Variants in FNDC3B observed in about 807,000 individuals in gnomAD.
The protein encoded by FNDC3B is fibronectin type III domain-containing protein 3B.
In FNDC3B, 12 loss-of-function variants were observed where a neutral mutation model predicts 151.5. The observed-to-expected ratio is 0.08, with a 90% confidence interval of 0.05 to 0.13. FNDC3B has a LOEUF of 0.13. Ranked by LOEUF, FNDC3B falls within the 10% of genes least tolerant of loss-of-function variation. FNDC3B has a pLI of 1.00. For synonymous variants in FNDC3B, 528 were observed against 549.0 expected (o/e 0.96, Z 0.54); for missense variants, 1,214 against 1,505.3 (o/e 0.81, Z 3.20).
chr3:172,154,372 T>C (rs1164118591), intron 3 of FNDC3B, among the ~76,000 whole-genome samples: 2 of 152,234 alleles, frequency 1.3e-5, no homozygotes, highest in South Asian at 2.1e-4. Flanking sequence ...CGTGCCACCA[T>C]GCCCAGCTAA....
rs1717823500 is a variant in FNDC3B at position 172,072,399 on chromosome 3, A to G, written c.-29+32628A>G. 1.3e-5 allele frequency among the ~76,000 whole-genome samples: 2 copies of G among 151,742 alleles called. 1 individual carries two copies. The highest frequency in any genetic ancestry group is 4.2e-4 in the South Asian group (2 of 4,792). On this transcript the variant is annotated intron_variant, in intron 1 of 25. Coordinates refer to ENST00000415807, the MANE Select transcript of FNDC3B (RefSeq NM_022763.4). ...TGGCTATCAGTATCTTGACCTCGTT[A>G]GGGTTGTCAGTGAATGGTTGTGTCA... is the stretch of plus-strand genomic sequence containing the variant.
At chr3:172,192,245 T>A (rs1724556280) in intron 3 of FNDC3B, among the ~76,000 whole-genome samples, 1 of 150,478 alleles carries the variant, frequency 6.6e-6, no homozygotes, top group Non-Finnish European at 1.5e-5. Context: ...TGATCTTGGC[T>A]CACTGCAACC....
intron 3 of FNDC3B, 144 bp from the exon 4 acceptor site, chr3:172,226,727 C>CTTTCAGG (rs1726602243): frequency 3.8e-6 from 2 of 527,626 alleles, no homozygotes; most frequent in Admixed American, 5.9e-5. Context: ...TCAGGTTTAG[C>CTTTCAGG]TTTAAGGCAA....
chr3:172,271,432 TA>T (rs903130126), intron 6 of FNDC3B, among the ~76,000 whole-genome samples: 1 of 152,230 alleles, frequency 6.6e-6, no homozygotes, highest in Non-Finnish European at 1.5e-5. Flanking sequence ...AGGACTTTTA[TA>T]AAAAACATCT....
intron 9 of FNDC3B, among the ~76,000 whole-genome samples, chr3:172,306,147 A>G (rs1221566290): frequency 2.0e-5 from 3 of 152,170 alleles, no homozygotes; most frequent in Non-Finnish European, 4.4e-5. Flanking sequence ...GACTTTGCAA[A>G]TCACACACAC....
chr3:172,239,856 C>CTTTTTTTTTTTTTTTTTT lies in FNDC3B; in HGVS notation c.265-7664_265-7647dup, dbSNP rs71179981. On this transcript the variant is annotated intron_variant, in intron 4 of 25. Coordinates refer to ENST00000415807, the MANE Select transcript of FNDC3B (RefSeq NM_022763.4). ...TGTTTTTAGGAGATCCATTTTAGTTCTTTTTTTTTTTTTTTTTTTTTTTTT... is the reference window on the plus strand; with the variant it reads ...TGTTTTTAGGAGATCCATTTTAGTTCTTTTTTTTTTTTTTTTTTTTTTTTTTTTTTTTTTTTTTTTTTT... Among the ~76,000 whole-genome samples, 24 of 49,926 alleles carry CTTTTTTTTTTTTTTTTTT rather than the reference C, an allele frequency of 4.8e-4. 3 individuals are homozygous for CTTTTTTTTTTTTTTTTTT. Among genetic ancestry groups the CTTTTTTTTTTTTTTTTTT allele is most frequent in the Middle Eastern group, 0.024 (1 of 42 alleles). 32.8% of individuals were successfully genotyped at this position (49,926 alleles called of 152,430 possible). A position where few individuals can be genotyped will look rare whatever the true frequency, so the allele number is the denominator to read the frequency against.
intron 6 of FNDC3B, among the ~76,000 whole-genome samples, chr3:172,253,090 G>A (rs1225269879): frequency 1.3e-5 from 2 of 152,150 alleles, no homozygotes; most frequent in Non-Finnish European, 2.9e-5. Context: ...TGTATAAATT[G>A]TCCAGAGAGC....
At chr3:172,321,960 G>A (rs1482117300) in intron 11 of FNDC3B, among the ~76,000 whole-genome samples, 7 of 152,166 alleles carry the variant, frequency 4.6e-5, no homozygotes, top group Admixed American at 2.0e-4. Context: ...TACAGTGTAG[G>A]AGGAATTTAT....
Position 172,394,106 on chromosome 3 carries a change from TAAAAAAAAAAAAA to T in FNDC3B, c.3304-3040_3304-3028del, listed in dbSNP as rs60559371. Among the ~76,000 whole-genome samples the T allele has an allele frequency of 1.4e-3, 24 of 16,650 alleles. 1 individual carries two copies. Among genetic ancestry groups the T allele is most frequent in the South Asian group, 2.8e-3 (1 of 358 alleles). The allele number at this position is 16,650 out of a possible 152,430, so 10.9% of individuals were successfully genotyped here. A position where few individuals can be genotyped will look rare whatever the true frequency, so the allele number is the denominator to read the frequency against. On this transcript the variant is annotated intron_variant, in intron 25 of 25. Coordinates refer to ENST00000415807, the MANE Select transcript of FNDC3B (RefSeq NM_022763.4). Reference sequence around the variant, plus strand: ...CTGGGTGACAGAGTGAGACTCCTTCTAAAAAAAAAAAAAAAAAAAAAAAAAAAAAATGGATACA... The same window carrying T: ...CTGGGTGACAGAGTGAGACTCCTTCTAAAAAAAAAAAAAAAAATGGATACA...
intron 3 of FNDC3B, among the ~76,000 whole-genome samples, chr3:172,207,257 G>C (rs938727783): frequency 8.5e-5 from 13 of 152,278 alleles, no homozygotes; most frequent in African/African-American, 3.1e-4. Context: ...GAAAACTTCT[G>C]TTGGGTATTA....
chr3:172,059,352 A>G (rs1010070831), intron 1 of FNDC3B, among the ~76,000 whole-genome samples: 1 of 152,156 alleles, frequency 6.6e-6, no homozygotes, highest in Non-Finnish European at 1.5e-5. Flanking sequence ...GGGTTTTTGG[A>G]TAAGTCTCAG....
At chr3:172,298,904 C>A in intron 9 of FNDC3B, 117 bp downstream of exon 9, 1 of 657,664 alleles carries the variant, frequency 1.5e-6, no homozygotes, top group Non-Finnish European at 2.6e-6. Context: ...AGTTGTAGAA[C>A]CATGGCTTAT....
At chr3:172,346,300 CGT>C (rs778210755) in intron 19 of FNDC3B, 25 bp from the exon 20 acceptor site, 41 of 1,289,106 alleles carry the variant, frequency 3.2e-5, no homozygotes, top group Non-Finnish European at 4.3e-5. Flanking sequence ...TATATACATA[CGT>C]GTGTGTGCGT....
At chr3:172,168,565 T>TA (rs1274534722) in intron 3 of FNDC3B, among the ~76,000 whole-genome samples, 3 of 152,198 alleles carry the variant, frequency 2.0e-5, no homozygotes, top group Non-Finnish European at 4.4e-5. Flanking sequence ...AATGTTAAAA[T>TA]ATACAAGCTT....
At position 172,378,259 on chromosome 3, in the gene FNDC3B, C is replaced by T. The variant is rs1735256944; in HGVS notation, c.3009-11C>T. ...GTTCAGATGGCTAATTGATTCTGCT[C>T]CTTCTTCTAGGTTTATTTCAATCTA... is the stretch of plus-strand genomic sequence containing the variant. On this transcript the variant is annotated splice_polypyrimidine_tract_variant and intron_variant, in intron 23 of 25. Transcript: ENST00000415807. 5.7e-6 allele frequency: 9 copies of T among 1,566,374 alleles called. No individual in the cohort carries two copies. Among genetic ancestry groups the T allele is most frequent in the Middle Eastern group, 1.7e-4 (1 of 5,844 alleles).
At chr3:172,258,715 G>A (rs1368069836) in intron 6 of FNDC3B, among the ~76,000 whole-genome samples, 1 of 152,126 alleles carries the variant, frequency 6.6e-6, no homozygotes, top group Non-Finnish European at 1.5e-5. Context: ...GGAATGACGT[G>A]CTTAATGTTA....
At chr3:172,160,406 A>G (rs1026263636) in intron 3 of FNDC3B, among the ~76,000 whole-genome samples, 1 of 152,172 alleles carries the variant, frequency 6.6e-6, no homozygotes, top group Non-Finnish European at 1.5e-5. Flanking sequence ...CCAGCCTGCT[A>G]CTAGGACTGG....
intron 25 of FNDC3B, among the ~76,000 whole-genome samples, chr3:172,396,891 C>T (rs1234194336): frequency 6.6e-6 from 1 of 152,210 alleles, no homozygotes; most frequent in African/African-American, 2.4e-5. Context: ...ATCCTTACTA[C>T]TTAAAATGTC....
rs770556353 is a variant in FNDC3B at position 172,251,818 on chromosome 3, G to C, written c.790+277G>C. 7.9e-5 allele frequency among the ~76,000 whole-genome samples: 12 copies of C among 152,194 alleles called. No homozygotes were observed. In the East Asian group the frequency reaches 2.3e-3, roughly 29 times the overall value. On this transcript the variant is annotated intron_variant, in intron 6 of 25. Coordinates refer to ENST00000415807, the MANE Select transcript of FNDC3B (RefSeq NM_022763.4). ...AATATTTGAAAATCTTTTCATGTTAGCCTACTTCTGTTGTTTCACTCTCTG... is the reference window on the plus strand; with the variant it reads ...AATATTTGAAAATCTTTTCATGTTACCCTACTTCTGTTGTTTCACTCTCTG...
Sources: gnomAD v4.1 joint callset for allele counts (sites outside exome capture counted in the v4.1 genomes callset) on GRCh38, gnomAD v4.1.1 for gene constraint, MANE v1.5 for transcripts, NCBI Gene and HGNC (gene_info 2026-07-23, HGNC 2026-07-21) for gene names.